The following PTPRS variants were observed in gnomAD, a reference collection of about 807,000 sequenced individuals.
The protein encoded by PTPRS is receptor-type tyrosine-protein phosphatase S.
A neutral mutation model predicts 215.3 loss-of-function variants in PTPRS; 63 were observed. The ratio of observed to expected loss-of-function variants is 0.29; its 90% CI spans 0.24 to 0.36. The LOEUF is 0.36. Among genes scored for constraint, PTPRS ranks in the 10% least tolerant of loss-of-function variants. The pLI, the probability that PTPRS is intolerant of heterozygous loss-of-function variation, is 1.00. For missense variants in PTPRS, 2,258 were observed against 2,825.8 expected, an observed-to-expected ratio of 0.80 and a Z score of 4.56; for synonymous variants, 1,404 against 1,191.4, an observed-to-expected ratio of 1.18 and a Z score of -3.68.
At chr19:5,256,544 C>A (rs2045568359) in intron 8 of PTPRS, among the ~76,000 whole-genome samples, 1 of 152,176 alleles carries the variant, frequency 6.6e-6, no homozygotes, top group African/African-American at 2.4e-5. Context: ...CCCCACCCGG[C>A]TCCCTGCCCC....
At chr19:5,236,099 C>T (rs756369398) in intron 13 of PTPRS, among the ~76,000 whole-genome samples, 5 of 152,338 alleles carry the variant, frequency 3.3e-5, no homozygotes, top group South Asian at 2.1e-4. Context: ...CGCCACCCCG[C>T]GTCAACGGTG....
intron 1 of PTPRS, among the ~76,000 whole-genome samples, chr19:5,288,420 C>A (rs914926660): frequency 1.3e-5 from 2 of 152,204 alleles, no homozygotes; most frequent in Non-Finnish European, 2.9e-5. Context: ...CAGTTGGGGA[C>A]TGGGAAGATG....
At chr19:5,336,281 GA>G (rs1401381608) in intron 1 of PTPRS, among the ~76,000 whole-genome samples, 45 of 128,518 alleles carry the variant, frequency 3.5e-4, no homozygotes, top group Middle Eastern at 8.0e-3. Context: ...GGGCGGGGGG[GA>G]AACCACACAC....
intron 4 of PTPRS, among the ~76,000 whole-genome samples, chr19:5,270,632 C>T (rs945348433): frequency 2.0e-5 from 3 of 151,880 alleles, no homozygotes; most frequent in East Asian, 3.9e-4. Flanking sequence ...TTAAAAAGCA[C>T]GGGGCCTTTC....
At chr19:5,246,144 G>A (rs1405105710) in intron 9 of PTPRS, 99 bp from the exon 10 acceptor site, 2 of 610,050 alleles carry the variant, frequency 3.3e-6, no homozygotes, top group Non-Finnish European at 4.8e-6. Flanking sequence ...AAAAAGAAAA[G>A]CAGGAAGGAA....
intron 2 of PTPRS, among the ~76,000 whole-genome samples, chr19:5,284,588 T>G (rs897151519): frequency 1.3e-5 from 2 of 152,034 alleles, no homozygotes; most frequent in African/African-American, 4.8e-5. Flanking sequence ...GGGATGCTGA[T>G]AATCGCATTC....
In PTPRS at chr19:5,222,948, G is replaced by A; in HGVS notation, c.2844C>T (p.Leu948=). Residue 948 remains leucine, a synonymous_variant, in exon 18 of 38, where the codon CTC becomes CTT. Transcript: ENST00000262963. ...CGGCGGGCACGGGTGGCAGCCAGCG[G>A]AGAAGGACGGTCCCGGCCGAGGCGT... The part of the protein sequence containing the change: ...AGNASAGTVL[L]RWLPPVPAER... 1 of 1,552,206 alleles carries A rather than the reference G, an allele frequency of 6.4e-7. No homozygotes were observed. The highest frequency in any genetic ancestry group is 1.7e-4 in the Middle Eastern group (1 of 5,926).
At chr19:5,258,275 T>A in intron 7 of PTPRS, 148 bp from the exon 8 acceptor site, 1 of 656,386 alleles carries the variant, frequency 1.5e-6, no homozygotes, top group Non-Finnish European at 2.7e-6. Context: ...CTGGAAGCCC[T>A]AGCTTGGCCA....
chr19:5,255,887 T>C (rs1232908727), intron 9 of PTPRS, among the ~76,000 whole-genome samples: 1 of 152,192 alleles, frequency 6.6e-6, no homozygotes, highest in Non-Finnish European at 1.5e-5. Flanking sequence ...TTTCGTGTCT[T>C]TCTGGGTTTT....
chr19:5,213,502 C>T (rs2041122279), intron 30 of PTPRS, among the ~76,000 whole-genome samples: 1 of 152,244 alleles, frequency 6.6e-6, no homozygotes, highest in Non-Finnish European at 1.5e-5. Flanking sequence ...TCTCCTTTGA[C>T]ATGTAAGCTT....
chr19:5,236,299 A>G (rs924320880), intron 13 of PTPRS, among the ~76,000 whole-genome samples: 4 of 152,260 alleles, frequency 2.6e-5, no homozygotes, highest in East Asian at 3.8e-4. Context: ...TGAGGCTCAG[A>G]AACAGCAAGC....
At chr19:5,207,816 C>A in intron 37 of PTPRS, 106 bp downstream of exon 37, 1 of 1,506,806 alleles carries the variant, frequency 6.6e-7, no homozygotes, top group South Asian at 1.3e-5. Flanking sequence ...CACAGTGACC[C>A]AGAGAGTCCC....
At chr19:5,264,382 A>C (rs1375022648) in intron 5 of PTPRS, among the ~76,000 whole-genome samples, 1 of 152,114 alleles carries the variant, frequency 6.6e-6, no homozygotes, top group African/African-American at 2.4e-5. Flanking sequence ...TACCCATTGA[A>C]GCTGGTCTCC....
chr19:5,325,253 G>C (rs1269927750), intron 1 of PTPRS, among the ~76,000 whole-genome samples: 1 of 152,206 alleles, frequency 6.6e-6, no homozygotes, highest in Non-Finnish European at 1.5e-5. Context: ...AGAAAATCCT[G>C]CTTATTTACG....
chr19:5,220,933 G>C, intron 20 of PTPRS, 67 bp downstream of exon 20: 1 of 1,527,414 alleles, frequency 6.5e-7, no homozygotes, highest in Non-Finnish European at 8.8e-7. Flanking sequence ...AGGGCACGTG[G>C]CTTGCCCCAG....
intron 1 of PTPRS, among the ~76,000 whole-genome samples, chr19:5,326,176 A>G (rs2050161645): frequency 6.6e-6 from 1 of 152,206 alleles, no homozygotes; most frequent in Admixed American, 6.5e-5. Context: ...GGTTGCAGTG[A>G]GCCGAGATCG....
At chr19:5,290,689 C>CGTT (rs2048741951) in intron 1 of PTPRS, among the ~76,000 whole-genome samples, 1 of 152,054 alleles carries the variant, frequency 6.6e-6, no homozygotes, top group Non-Finnish European at 1.5e-5. Flanking sequence ...GGGCCTAGTC[C>CGTT]TAACCCTCAG....
Position 5,263,980 on chromosome 19 carries a change from C to T in PTPRS, c.569-1008G>A, listed in dbSNP as rs79997681. On this transcript the variant is annotated intron_variant, in intron 5 of 37. Coordinates refer to ENST00000262963, the MANE Select transcript of PTPRS (RefSeq NM_002850.4). ...TCGTGAAGCGGGGGGACAACACACA[C>T]GCAGACACAGCCCCCCAGACAGATG... 7.7e-4 allele frequency among the ~76,000 whole-genome samples: 118 copies of T among 152,322 alleles called. 1 individual carries two copies. In the East Asian group the frequency reaches 0.02, roughly 26 times the overall value.
In PTPRS at chr19:5,229,479, C is replaced by G; in HGVS notation, c.2349+12G>C. The G allele has an allele frequency of 7.1e-7, 1 of 1,409,660 alleles. No individual in the cohort carries two copies. The highest frequency in any genetic ancestry group is 9.2e-7 in the Non-Finnish European group (1 of 1,086,436). The allele number at this position is 1,409,660 out of a possible 1,614,324, so 87.3% of individuals were successfully genotyped here. A position where few individuals can be genotyped will look rare whatever the true frequency, so the allele number is the denominator to read the frequency against. On this transcript the variant is annotated intron_variant, in intron 15 of 37. Transcript: ENST00000262963. ...GAGCCCGTCCCCGGCCCCGCCCCGG[C>G]CCCCCGCCCACCTGGGCATCGGCCA... is the stretch of plus-strand genomic sequence containing the variant.
Sources: allele counts gnomAD v4.1 joint callset (sites outside exome capture counted in the v4.1 genomes callset), GRCh38; gene constraint gnomAD v4.1.1; transcripts MANE v1.5; gene names NCBI Gene and HGNC (gene_info 2026-07-23, HGNC 2026-07-21).